Variants in SLIT3 observed in about 807,000 individuals in gnomAD.
SLIT3 encodes the protein slit guidance ligand 3.
A neutral mutation model predicts 184.0 loss-of-function variants in SLIT3; 68 were observed. The ratio of observed to expected loss-of-function variants is 0.37; its 90% CI spans 0.30 to 0.45. The LOEUF (loss-of-function observed/expected upper bound fraction) is 0.45, where lower values mean the gene tolerates loss of function less well. Ranked by LOEUF, SLIT3 falls within the 20% of genes least tolerant of loss-of-function variation. The pLI is 1.00. For missense variants in SLIT3, 1,707 were observed against 2,026.0 expected (o/e 0.84, Z 3.02); for synonymous variants, 831 against 828.6 (o/e 1.00, Z -0.05).
chr5:168,875,555 AC>A (rs1205591948), intron 5 of SLIT3, among the ~76,000 whole-genome samples: 2 of 151,932 alleles, frequency 1.3e-5, no homozygotes, highest in Non-Finnish European at 2.9e-5. Context: ...AATCACTTGA[AC>A]CCAGGAGGCG....
At chr5:169,137,300 C>CTACA (rs138154528) in intron 4 of SLIT3, among the ~76,000 whole-genome samples, 1 of 118,500 alleles carries the variant, frequency 8.4e-6, no homozygotes, top group African/African-American at 3.3e-5. Flanking sequence ...CTCTTTCTAT[C>CTACA]TACATACACA....
chr5:168,690,458 C>A (rs1761871464), intron 29 of SLIT3, among the ~76,000 whole-genome samples: 1 of 152,216 alleles, frequency 6.6e-6, no homozygotes, highest in East Asian at 1.9e-4. Flanking sequence ...GATCCCCATT[C>A]CCTGCCCCTT....
intron 6 of SLIT3, among the ~76,000 whole-genome samples, chr5:168,831,131 CA>C (rs1757866801): frequency 6.6e-6 from 1 of 152,144 alleles, no homozygotes; most frequent in Non-Finnish European, 1.5e-5. Flanking sequence ...TCAGTGTTGC[CA>C]AAAGCCTAGT....
At chr5:169,188,293 C>A (rs1223083911) in intron 4 of SLIT3, among the ~76,000 whole-genome samples, 1 of 152,226 alleles carries the variant, frequency 6.6e-6, no homozygotes. Context: ...TGCATCTTGC[C>A]TTCTGCTCCT....
In SLIT3 at chr5:168,984,279, TGG is replaced by T. The variant is rs1468551308; in HGVS notation, c.414-100945_414-100944del. Among the ~76,000 whole-genome samples, 9 of 152,238 alleles carry T rather than the reference TGG, an allele frequency of 5.9e-5. No homozygotes were observed. In the South Asian group the frequency reaches 1.2e-3, roughly 21 times the overall value. On this transcript the variant is annotated intron_variant, in intron 4 of 35. Coordinates refer to ENST00000519560, the MANE Select transcript of SLIT3 (RefSeq NM_003062.4). ...CACGGGTAGGGGCAAGAACTCAATG[TGG>T]GGACTGGCTGGGCCCGTCGGTGCCT...
intron 4 of SLIT3, among the ~76,000 whole-genome samples, chr5:169,137,335 C>CACACACACAGAGAGAGAG (rs368371904): frequency 7.2e-6 from 1 of 138,662 alleles, no homozygotes; most frequent in African/African-American, 2.8e-5. Context: ...CACACACACA[C>CACACACACAGAGAGAGAG]AGAGAGAGAG....
intron 4 of SLIT3, among the ~76,000 whole-genome samples, chr5:169,035,942 C>T (rs977825197): frequency 1.4e-4 from 22 of 152,184 alleles, no homozygotes; most frequent in Non-Finnish European, 5.9e-5. Context: ...TTTTATTAGA[C>T]TTCTTTCCCC....
chr5:168,959,308 C>T (rs1293595388), intron 4 of SLIT3, among the ~76,000 whole-genome samples: 1 of 152,278 alleles, frequency 6.6e-6, no homozygotes, highest in Middle Eastern at 3.4e-3. Context: ...CTATAGAGAA[C>T]TTAAAGTCTC....
chr5:168,799,864 G>A (rs1173102258), intron 9 of SLIT3, among the ~76,000 whole-genome samples: 6 of 152,138 alleles, frequency 3.9e-5, no homozygotes, highest in Non-Finnish European at 8.8e-5. Context: ...GTACGAAGAG[G>A]TCAATTTTCC....
chr5:169,229,874 G>C (rs936054180), intron 3 of SLIT3, among the ~76,000 whole-genome samples: 1 of 152,254 alleles, frequency 6.6e-6, no homozygotes, highest in South Asian at 2.1e-4. Flanking sequence ...CAAAAATTAA[G>C]GGGGAAGGAG....
chr5:169,265,611 T>C (rs1210310831), intron 1 of SLIT3, among the ~76,000 whole-genome samples: 1 of 152,312 alleles, frequency 6.6e-6, no homozygotes, highest in South Asian at 2.1e-4. Flanking sequence ...AAATAGAGCA[T>C]GATTTTAGGC....
intron 1 of SLIT3, among the ~76,000 whole-genome samples, chr5:169,256,853 G>A (rs2113605260): frequency 6.6e-6 from 1 of 152,246 alleles, no homozygotes; most frequent in East Asian, 1.9e-4. Context: ...GCTCAAAGGA[G>A]AAAAGACTGC....
At chr5:169,195,110 A>T (rs1763698751) in intron 3 of SLIT3, among the ~76,000 whole-genome samples, 1 of 152,142 alleles carries the variant, frequency 6.6e-6, no homozygotes, top group South Asian at 2.1e-4. Flanking sequence ...TAACTATATG[A>T]TCCCCATCTG....
intron 4 of SLIT3, among the ~76,000 whole-genome samples, chr5:169,019,930 C>G (rs1756534672): frequency 2.6e-5 from 4 of 152,162 alleles, no homozygotes; most frequent in Admixed American, 2.6e-4. Context: ...GCTCTTTGTT[C>G]TGTGTTTTGC....
intron 20 of SLIT3, among the ~76,000 whole-genome samples, chr5:168,743,753 G>C (rs1280084335): frequency 6.6e-6 from 1 of 152,188 alleles, no homozygotes; most frequent in African/African-American, 2.4e-5. Context: ...CAAATAAAAA[G>C]TTCTTGAAGA....
intron 4 of SLIT3, among the ~76,000 whole-genome samples, chr5:169,114,863 C>T (rs564431059): frequency 3.9e-5 from 6 of 152,322 alleles, no homozygotes; most frequent in South Asian, 4.1e-4. Context: ...GCTGTTGGCA[C>T]CCTTTAAAAG....
chr5:169,194,084 A>T (rs1763659982), intron 3 of SLIT3, among the ~76,000 whole-genome samples: 2 of 151,992 alleles, frequency 1.3e-5, no homozygotes, highest in African/African-American at 4.8e-5. Flanking sequence ...AATACAAAAA[A>T]ATTAGCTGGG....
At chr5:168,952,549 GA>G (rs370440166) in intron 4 of SLIT3, among the ~76,000 whole-genome samples, 1 of 98,484 alleles carries the variant, frequency 1.0e-5, no homozygotes, top group African/African-American at 5.4e-5. Context: ...AAAAAAAAAA[GA>G]GGGGAGAAGG....
At chr5:168,970,516 C>A (rs199620375) in intron 4 of SLIT3, among the ~76,000 whole-genome samples, 12 of 126,046 alleles carry the variant, frequency 9.5e-5, no homozygotes, top group South Asian at 2.4e-4. Flanking sequence ...AAAAAAAAAA[C>A]AAAGACAAAA....
Sources: allele counts gnomAD v4.1 joint callset (sites outside exome capture counted in the v4.1 genomes callset), GRCh38; gene constraint gnomAD v4.1.1; transcripts MANE v1.5; gene names NCBI Gene and HGNC (gene_info 2026-07-23, HGNC 2026-07-21).